Variants in TFRC observed in about 807,000 individuals in gnomAD.
TFRC encodes transferrin receptor.
A neutral mutation model predicts 85.8 loss-of-function variants in TFRC; 35 were observed. That is an observed-to-expected ratio of 0.41 (90% CI 0.31 to 0.54). The LOEUF (loss-of-function observed/expected upper bound fraction) is 0.54, where lower values mean the gene tolerates loss of function less well. Ranked by LOEUF, TFRC falls within the 20% of genes least tolerant of loss-of-function variation. The pLI is 0.31. For missense variants in TFRC, 828 were observed against 921.5 expected (o/e 0.90, Z 1.31); for synonymous variants, 362 against 328.6 (o/e 1.10, Z -1.10).
intron 18 of TFRC, among the ~76,000 whole-genome samples, chr3:196,052,585 C>T (rs1004258781): frequency 1.8e-4 from 27 of 152,122 alleles, no homozygotes; most frequent in African/African-American, 6.5e-4. Context: ...GAATTACAGG[C>T]ATGCACCACC....
chr3:196,052,466 G>T (rs1260223650), intron 18 of TFRC, among the ~76,000 whole-genome samples: 1 of 151,928 alleles, frequency 6.6e-6, no homozygotes, highest in Non-Finnish European at 1.5e-5. Flanking sequence ...TTGAGACAGA[G>T]TTTCGCTCTT....
At chr3:196,065,377 C>T (rs1005337005) in intron 10 of TFRC, 66 bp downstream of exon 10, 1 of 1,004,438 alleles carries the variant, frequency 1.0e-6, no homozygotes, top group Non-Finnish European at 1.4e-6. Flanking sequence ...TCTCTAGCCA[C>T]ATCCTTAGGA....
intron 2 of TFRC, 84 bp downstream of exon 2, chr3:196,076,977 GTTA>G: frequency 8.1e-7 from 1 of 1,227,660 alleles, no homozygotes. Context: ...ATAGATTGGG[GTTA>G]TTATTTCATG....
At chr3:196,077,810 A>C (rs1351802355) in intron 1 of TFRC, among the ~76,000 whole-genome samples, 1 of 152,114 alleles carries the variant, frequency 6.6e-6, no homozygotes, top group Non-Finnish European at 1.5e-5. Flanking sequence ...GGCAGACAAG[A>C]CCAGTTATGC....
At chr3:196,062,459 G>A (rs113150710) in intron 13 of TFRC, 123 bp downstream of exon 13, 2 of 833,680 alleles carry the variant, frequency 2.4e-6, no homozygotes, top group African/African-American at 1.7e-5. Flanking sequence ...CTTGAATCTG[G>A]GAGACAGAGG....
At chr3:196,074,835 C>T (rs960687533) in intron 3 of TFRC, among the ~76,000 whole-genome samples, 8 of 145,272 alleles carry the variant, frequency 5.5e-5, no homozygotes, top group African/African-American at 2.1e-4. Context: ...GCCGAAATCA[C>T]GCCACTGCAC....
At chr3:196,052,652 G>A (rs546584984) in intron 18 of TFRC, among the ~76,000 whole-genome samples, 128 of 152,080 alleles carry the variant, frequency 8.4e-4, no homozygotes, top group African/African-American at 2.7e-3. Context: ...TGTTGGTCAG[G>A]CTGGTCTTGA....
chr3:196,075,068 AAGGTAC>A, intron 3 of TFRC, 85 bp downstream of exon 3: 1 of 962,248 alleles, frequency 1.0e-6, no homozygotes, highest in Non-Finnish European at 1.5e-6. Context: ...AAAAAAAAAT[AAGGTAC>A]AAAATAACTA....
At chr3:196,063,017 A>T (rs1234095214) in intron 11 of TFRC, 78 bp from the exon 12 acceptor site, 1 of 1,156,780 alleles carries the variant, frequency 8.6e-7, no homozygotes, top group East Asian at 2.4e-5. Context: ...ACTTAAGATG[A>T]ATCAGAAGGT....
chr3:196,068,142 C>T lies in TFRC; in HGVS notation c.802-12G>A. 6.3e-7 allele frequency: 1 copy of T among 1,594,122 alleles called. No individual in the cohort carries two copies. The highest frequency in any genetic ancestry group is 8.6e-7 in the Non-Finnish European group (1 of 1,165,320). ...TCAGCATTTGCAACCTAAAAGAAAA[C>T]ATATAAAGCTCAGAAAATGAAGATC... On this transcript the variant is annotated splice_polypyrimidine_tract_variant and intron_variant, in intron 7 of 18. Coordinates refer to ENST00000360110, the MANE Select transcript of TFRC (RefSeq NM_001128148.3).
intron 18 of TFRC, among the ~76,000 whole-genome samples, chr3:196,052,770 G>C (rs1024459974): frequency 6.6e-5 from 10 of 151,934 alleles, no homozygotes; most frequent in African/African-American, 2.4e-4. Flanking sequence ...AGCAGAGTAA[G>C]GAAAAAAGAA....
intron 3 of TFRC, 81 bp downstream of exon 3, chr3:196,075,078 A>AAAAC: frequency 1.6e-6 from 2 of 1,242,696 alleles, no homozygotes; most frequent in Non-Finnish European, 2.3e-6. Context: ...AAGGTACAAA[A>AAAAC]TAACTATATG....
chr3:196,066,004 C>T (rs41295861), intron 9 of TFRC, among the ~76,000 whole-genome samples: 5 of 145,114 alleles, frequency 3.4e-5, no homozygotes, highest in African/African-American at 1.2e-4. Flanking sequence ...AAAAACAAAA[C>T]AAAACAAAAC....
chr3:196,071,990 T>C lies in TFRC; in HGVS notation c.584+13A>G. 1.2e-6 allele frequency: 2 copies of C among 1,607,344 alleles called. No homozygotes were observed. The highest frequency in any genetic ancestry group is 1.7e-6 in the Non-Finnish European group (2 of 1,176,872). ...TACTTGTATAAAAATAAGTTTACCA[T>C]CTTTCAACATACCTGTCTTTGACCT... On this transcript the variant is annotated intron_variant, in intron 5 of 18. Coordinates refer to ENST00000360110, the MANE Select transcript of TFRC (RefSeq NM_001128148.3).
At chr3:196,075,115 A>G in intron 3 of TFRC, 44 bp downstream of exon 3, 2 of 1,544,726 alleles carry the variant, frequency 1.3e-6, no homozygotes, top group Non-Finnish European at 1.8e-6. Context: ...GACTTCCCAG[A>G]GTTGGTTATA....
At chr3:196,081,338 G>A (rs1409766638) in intron 1 of TFRC, among the ~76,000 whole-genome samples, 2 of 152,226 alleles carry the variant, frequency 1.3e-5, no homozygotes, top group Admixed American at 6.5e-5. Flanking sequence ...GCAGAGCATG[G>A]CAAGATCAGG....
chr3:196,067,955 T>G lies in TFRC; in HGVS notation c.900+77A>C. ...AAAAGAGCAGTTAAGGAAGACACAGTGCTATTTCTGCTAATACAGGAATCC... is the reference window on the plus strand; with the variant it reads ...AAAAGAGCAGTTAAGGAAGACACAGGGCTATTTCTGCTAATACAGGAATCC... On this transcript the variant is annotated intron_variant, in intron 8 of 18. Coordinates refer to ENST00000360110, the MANE Select transcript of TFRC (RefSeq NM_001128148.3). The G allele has an allele frequency of 3.4e-6, 4 of 1,193,968 alleles. No homozygotes were observed. In the South Asian group the frequency reaches 5.4e-5, roughly 16 times the overall value. 74.0% of individuals were successfully genotyped at this position (1,193,968 alleles called of 1,614,324 possible). A position where few individuals can be genotyped will look rare whatever the true frequency, so the allele number is the denominator to read the frequency against.
rs149088653 is a variant in TFRC at position 196,055,166 on chromosome 3, C to T, written c.1813G>A (p.Val605Ile). ...CTCTCATAGTCCAGGTTCAATTCAA[C>T]ATCATGGGTTAGTTTAATCACGAAC... ...GQFVIKLTHD[V>I]ELNLDYERYN... The change falls in exon 17 of 19, where the codon GTT becomes ATT. Residue 605 changes from valine (V) to isoleucine (I), a missense_variant. By Grantham distance (29) the Val-to-Ile change is conservative (BLOSUM62 3). Transcript: ENST00000360110. 7.6e-5 allele frequency: 122 copies of T among 1,614,214 alleles called. No individual in the cohort carries two copies. The African/African-American group carries it at 1.5e-3, about 20-fold the overall frequency.
intron 11 of TFRC, among the ~76,000 whole-genome samples, chr3:196,064,016 G>A (rs1242144444): frequency 6.6e-6 from 1 of 152,158 alleles, no homozygotes; most frequent in East Asian, 1.9e-4. Flanking sequence ...CAAATAGATT[G>A]CTTAGGGACT....
Sources: allele counts gnomAD v4.1 joint callset (sites outside exome capture counted in the v4.1 genomes callset), GRCh38; gene constraint gnomAD v4.1.1; transcripts MANE v1.5; gene names NCBI Gene and HGNC (gene_info 2026-07-23, HGNC 2026-07-21).